TXNL4A: variants seen among roughly 807,000 people sequenced by gnomAD.
TXNL4A encodes the protein thioredoxin like 4A.
In TXNL4A, 17 loss-of-function variants were observed where a neutral mutation model predicts 14.6. That is an observed-to-expected ratio of 1.16 (90% confidence interval 0.80 to 1.74). The LOEUF (loss-of-function observed/expected upper bound fraction) is 1.74, where lower values mean the gene tolerates loss of function less well. TXNL4A is among the 40% of genes most tolerant of loss of function. The pLI is 0.00. For missense variants in TXNL4A, 74 were observed against 195.2 expected (o/e 0.38, Z 3.70); for synonymous variants, 83 against 70.6 (o/e 1.18, Z -0.88).
At chr18:80,015,055 G>C (rs1225147080) in intron 1 of TXNL4A, among the ~76,000 whole-genome samples, 1 of 152,190 alleles carries the variant, frequency 6.6e-6, no homozygotes, top group Admixed American at 6.5e-5. Flanking sequence ...CAAGTCCCTA[G>C]GCCGCACACA....
Position 79,973,350 on chromosome 18 carries a change from G to A in TXNL4A, c.*335C>T, listed in dbSNP as rs934817307. On this transcript the variant is annotated 3_prime_UTR_variant, in exon 3 of 3. Coordinates refer to ENST00000269601, the MANE Select transcript of TXNL4A (RefSeq NM_006701.5). ...CATCTCTGTTAAAGCCCAGCTCGCG[G>A]CATATGCTGTCACCGCAGCCCCAGC... The A allele has an allele frequency of 2.2e-5, 5 of 222,644 alleles. No individual in the cohort carries two copies. Among genetic ancestry groups the A allele is most frequent in the Non-Finnish European group, 3.5e-5 (4 of 113,476 alleles). The allele number at this position is 222,644 out of a possible 1,614,324, so 13.8% of individuals were successfully genotyped here.
rs1485418667 is a variant in TXNL4A, at chr18:79,988,545, G to T, written c.-153C>A. On this transcript the variant is annotated 5_prime_UTR_variant, in exon 1 of 3. Coordinates refer to ENST00000269601, the MANE Select transcript of TXNL4A (RefSeq NM_006701.5). ...CGCACACGCAAACTCCGCTGGGACT[G>T]CCACCCGGCAGAACGTCTGGGCGCG... The T allele has an allele frequency of 2.5e-6, 2 of 799,732 alleles. No homozygotes were observed. The highest frequency in any genetic ancestry group is 3.6e-5 in the East Asian group (1 of 27,590). 49.5% of individuals were successfully genotyped at this position (799,732 alleles called of 1,614,324 possible).
chr18:80,001,671 T>G (rs2051699223), intron 1 of TXNL4A, among the ~76,000 whole-genome samples: 1 of 152,238 alleles, frequency 6.6e-6, no homozygotes. Context: ...TAAAGTTTAA[T>G]GACTGCCCCA....
At chr18:80,032,344 GA>G (rs887333016) in intron 1 of TXNL4A, among the ~76,000 whole-genome samples, 3 of 151,338 alleles carry the variant, frequency 2.0e-5, no homozygotes, top group African/African-American at 4.8e-5. Context: ...AGATTTTAAA[GA>G]AAAAAAAGGG....
intron 1 of TXNL4A, among the ~76,000 whole-genome samples, chr18:80,027,330 C>CA (rs1474072212): frequency 2.0e-5 from 3 of 151,720 alleles, no homozygotes; most frequent in Non-Finnish European, 2.9e-5. Context: ...AAAACAAAAA[C>CA]AAAAAAACAA....
chr18:79,987,477 T>C (rs2051569250), intron 1 of TXNL4A, among the ~76,000 whole-genome samples: 2 of 152,160 alleles, frequency 1.3e-5, no homozygotes, highest in African/African-American at 2.4e-5. Context: ...AAAATTAATA[T>C]GGCAAATATT....
upstream of TXNL4A, among the ~76,000 whole-genome samples, chr18:79,992,649 A>G (rs1189456652): frequency 6.6e-6 from 1 of 152,160 alleles, no homozygotes; most frequent in Non-Finnish European, 1.5e-5. Context: ...TATTTTGCCC[A>G]CAAGGAAATT....
chr18:80,025,502 G>A (rs913673270), intron 1 of TXNL4A, among the ~76,000 whole-genome samples: 11 of 152,204 alleles, frequency 7.2e-5, no homozygotes, highest in East Asian at 1.9e-4. Flanking sequence ...CAATGGCAGC[G>A]TCTCATCTGG....
At chr18:80,003,213 T>C (rs2051708922) in intron 1 of TXNL4A, among the ~76,000 whole-genome samples, 1 of 152,216 alleles carries the variant, frequency 6.6e-6, no homozygotes, top group African/African-American at 2.4e-5. Context: ...AGGATAGGCC[T>C]AGGATGTCCA....
At chr18:79,989,665 T>A (rs2051611133), upstream of TXNL4A, among the ~76,000 whole-genome samples, 1 of 152,208 alleles carries the variant, frequency 6.6e-6, no homozygotes, top group South Asian at 2.1e-4. Flanking sequence ...TTGTCTACTA[T>A]CTAGCTATCC....
At chr18:80,010,509 G>A (rs1187570551) in intron 1 of TXNL4A, among the ~76,000 whole-genome samples, 3 of 152,180 alleles carry the variant, frequency 2.0e-5, no homozygotes, top group Admixed American at 2.0e-4. Context: ...TTCACAGAGG[G>A]CAGACGTACA....
At chr18:79,999,275 C>G (rs2051683069) in intron 1 of TXNL4A, among the ~76,000 whole-genome samples, 1 of 152,124 alleles carries the variant, frequency 6.6e-6, no homozygotes, top group Non-Finnish European at 1.5e-5. Context: ...GTGACTCACG[C>G]CTGTAATCCC....
At chr18:80,016,394 T>C (rs1280031513) in intron 1 of TXNL4A, among the ~76,000 whole-genome samples, 5 of 151,692 alleles carry the variant, frequency 3.3e-5, no homozygotes, top group African/African-American at 9.7e-5. Context: ...ATTTTGGCTT[T>C]TGTTGCCATT....
intron 2 of TXNL4A, chr18:79,976,760 G>A (rs1189602533): frequency 1.5e-5 from 7 of 456,550 alleles, no homozygotes; most frequent in South Asian, 1.1e-4. Context: ...TAATGCTCAT[G>A]TAGCTAATTC....
chr18:80,021,572 T>C (rs1028759036), intron 1 of TXNL4A, among the ~76,000 whole-genome samples: 12 of 152,182 alleles, frequency 7.9e-5, no homozygotes, highest in Admixed American at 7.2e-4. Flanking sequence ...CTGAATCATT[T>C]AGTTCCCTCA....
intron 1 of TXNL4A, chr18:79,986,465 C>T (rs1284955516): frequency 1.1e-5 from 8 of 700,068 alleles, no homozygotes; most frequent in Non-Finnish European, 1.4e-5. Flanking sequence ...CCAAAGTGAG[C>T]CCATTTCAAC....
intron 1 of TXNL4A, among the ~76,000 whole-genome samples, chr18:80,017,822 C>A (rs1174491549): frequency 6.6e-6 from 1 of 152,030 alleles, no homozygotes; most frequent in Non-Finnish European, 1.5e-5. Context: ...GTCTAAAATT[C>A]TCTTTTTTGG....
In TXNL4A at chr18:79,988,227, T is replaced by A; in HGVS notation, c.153+13A>T. 6.7e-7 allele frequency: 1 copy of A among 1,498,356 alleles called. No homozygotes were observed. The highest frequency in any genetic ancestry group is 9.1e-7 in the Non-Finnish European group (1 of 1,103,312). The allele number at this position is 1,498,356 out of a possible 1,614,324, so 92.8% of individuals were successfully genotyped here. A position where few individuals can be genotyped will look rare whatever the true frequency, so the allele number is the denominator to read the frequency against. The stretch of plus-strand genomic sequence containing the variant: ...AAGCACAGCCCGCAGAGCGGGAGAG[T>A]CCGGCGCGCTACCTTCTCGGCGATG... On this transcript the variant is annotated intron_variant, in intron 1 of 2. Coordinates refer to ENST00000269601, the MANE Select transcript of TXNL4A (RefSeq NM_006701.5).
chr18:79,988,252 G>C lies in TXNL4A; in HGVS notation c.141C>G (p.Ser47Arg). 6.4e-7 allele frequency: 1 copy of C among 1,573,084 alleles called. No homozygotes were observed. Among genetic ancestry groups the C allele is most frequent in the Non-Finnish European group, 8.7e-7 (1 of 1,150,088 alleles). The change falls in exon 1 of 3, where the codon AGC becomes AGG. Residue 47 changes from serine (S) to arginine (R), a missense_variant. This residue lies in a region of TXNL4A where 55 missense variants were observed against 116.1 expected (regional missense o/e 0.47). Coordinates refer to ENST00000269601, the MANE Select transcript of TXNL4A (RefSeq NM_006701.5). Reference protein sequence around the residue: ...TCMKMDEVLYSIAEKVKNFAV... With the variant: ...TCMKMDEVLYRIAEKVKNFAV... ...TCCGGCGCGCTACCTTCTCGGCGAT[G>C]CTGTACAGGACCTCGTCCATCTTCA...
Sources: gnomAD v4.1 joint callset for allele counts (sites outside exome capture counted in the v4.1 genomes callset) on GRCh38, gnomAD v4.1.1 for gene constraint, gnomAD v4.1.1 regional missense constraint, MANE v1.5 for transcripts, NCBI Gene and HGNC (gene_info 2026-07-23, HGNC 2026-07-21) for gene names.